The following RAD54L variants were observed in gnomAD, a reference collection of about 807,000 sequenced individuals.
RAD54L encodes the protein DNA repair and recombination protein RAD54-like.
Under a neutral mutation model 91.6 loss-of-function variants are expected in RAD54L, and 74 were observed. That is an observed-to-expected ratio of 0.81 (90% confidence interval 0.67 to 0.98). The LOEUF (loss-of-function observed/expected upper bound fraction) is 0.98. Ranked by LOEUF, RAD54L falls within the 50% of genes least tolerant of loss-of-function variation. RAD54L has a pLI of 0.00. For missense variants in RAD54L, 887 were observed against 945.7 expected (o/e 0.94, Z 0.81); for synonymous variants, 304 against 349.7 (o/e 0.87, Z 1.46).
At chr1:46,252,342 A>G (rs558419607) in intron 3 of RAD54L, among the ~76,000 whole-genome samples, 71 of 152,210 alleles carry the variant, frequency 4.7e-4, no homozygotes, top group Non-Finnish European at 8.8e-5. Flanking sequence ...AAGTGGGGGT[A>G]GGAGGTAACA....
intron 3 of RAD54L, among the ~76,000 whole-genome samples, chr1:46,253,912 A>G (rs1380881976): frequency 6.6e-6 from 1 of 151,966 alleles, no homozygotes; most frequent in Non-Finnish European, 1.5e-5. Context: ...AAAAAAATAC[A>G]TAGTAATCCA....
At chr1:46,277,647 C>A (rs1375600202) in intron 16 of RAD54L, 170 bp from the exon 17 acceptor site, 1 of 752,588 alleles carries the variant, frequency 1.3e-6, no homozygotes, top group Non-Finnish European at 2.2e-6. Flanking sequence ...AGGAGACAGA[C>A]TGGGAAAATG....
At chr1:46,272,586 C>A (rs779667339) in intron 11 of RAD54L, 46 bp downstream of exon 11, 1 of 1,609,206 alleles carries the variant, frequency 6.2e-7, no homozygotes, top group Non-Finnish European at 8.5e-7. Flanking sequence ...AAGCCTAGCT[C>A]CTGAAGCATG....
intron 5 of RAD54L, 141 bp from the exon 6 acceptor site, chr1:46,260,401 A>G: frequency 3.2e-6 from 3 of 951,094 alleles, no homozygotes; most frequent in South Asian, 1.3e-5. Flanking sequence ...GGAACTTGCT[A>G]TGGTTTTACG....
chr1:46,267,442 T>C lies in RAD54L; in HGVS notation c.892-17T>C. ...AGGGAATGCCACATTGCGCTCTGAA[T>C]AAGGATTCTCTTGCAGGGACACAGG... On this transcript the variant is annotated splice_polypyrimidine_tract_variant and intron_variant, in intron 8 of 17. Transcript: ENST00000371975. The C allele has an allele frequency of 6.2e-7, 1 of 1,613,672 alleles. No homozygotes were observed. Among genetic ancestry groups the C allele is most frequent in the Non-Finnish European group, 8.5e-7 (1 of 1,180,010 alleles).
chr1:46,272,025 C>CTT (rs1162693010), intron 10 of RAD54L, among the ~76,000 whole-genome samples: 1,801 of 41,076 alleles, frequency 0.044, 566 homozygotes, highest in Middle Eastern at 0.077. Flanking sequence ...GGTCTGATGA[C>CTT]TTTTTTTTTT....
chr1:46,272,751 ATGAGTG>A lies in RAD54L; in HGVS notation c.1327_1332del (p.Val444_Ser445del), dbSNP rs1426257904. ...GGCAGAAGAATTGCTTGAGGGCAAG[ATGAGTG>A]TGTCTTCCCTTTCTTCCATCACCTC... On this transcript the variant is annotated inframe_deletion, in exon 12 of 18. Transcript: ENST00000371975. 2 of 1,614,182 alleles carry A rather than the reference ATGAGTG, an allele frequency of 1.2e-6. No individual in the cohort carries two copies. The highest frequency in any genetic ancestry group is 2.2e-5 in the East Asian group (1 of 44,882).
intron 4 of RAD54L, 43 bp downstream of exon 4, chr1:46,258,789 C>G (rs754262014): frequency 7.1e-7 from 1 of 1,409,802 alleles, no homozygotes; most frequent in Non-Finnish European, 1.0e-6. Context: ...GTCATATGTA[C>G]GTGTGCCTGA....
chr1:46,270,629 T>A, intron 9 of RAD54L, 30 bp from the exon 10 acceptor site: 1 of 1,612,264 alleles, frequency 6.2e-7, no homozygotes, highest in Non-Finnish European at 8.5e-7. Flanking sequence ...TTTTCCACAT[T>A]CTTCTGTTTT....
In RAD54L at chr1:46,277,830, AG is replaced by A; in HGVS notation, c.1885del (p.Glu629ArgfsTer13). 1 of 1,609,426 alleles carries A rather than the reference AG, an allele frequency of 6.2e-7. No individual in the cohort carries two copies. ...IYRLLSAGTI[E>X]EKIFQRQSHK... ...CCTCTTCCCCAGGCAGGGACCATTG[AG>A]GAGAAGATCTTCCAGCGTCAGAGCC... On this transcript the variant is annotated frameshift_variant, in exon 17 of 18. Coordinates refer to ENST00000371975, the MANE Select transcript of RAD54L (RefSeq NM_003579.4). LOFTEE classifies it high-confidence loss of function.
chr1:46,260,760 C>G lies in RAD54L; in HGVS notation c.511C>G (p.Arg171Gly), dbSNP rs772563812. The change falls in exon 7 of 18, where the codon CGG becomes GGG. Residue 171 changes from arginine (R) to glycine (G), a missense_variant. Transcript: ENST00000371975. ...VKFLWECVTS[R>G]RIPGSHGCIM... is the part of the protein sequence containing the mutation. The stretch of plus-strand genomic sequence containing the variant: ...ATTCCTGTGGGAGTGTGTCACCAGT[C>G]GGCGCATCCCTGGCAGCCATGGCTG... 1 of 1,614,152 alleles carries G rather than the reference C, an allele frequency of 6.2e-7. No individual in the cohort carries two copies. The highest frequency in any genetic ancestry group is 8.5e-7 in the Non-Finnish European group (1 of 1,180,034).
chr1:46,273,845 A>G (rs1010801081), intron 14 of RAD54L, 98 bp downstream of exon 14: 52 of 1,500,960 alleles, frequency 3.5e-5, no homozygotes, highest in Non-Finnish European at 4.5e-5. Context: ...ATCTGGGCAC[A>G]TAAGGGCTTT....
Position 46,278,309 on chromosome 1 carries a change from T to C in RAD54L, c.*27T>C, listed in dbSNP as rs1453482088. ...AACCAGCTGGTCTGGGTGTAGCTCT[T>C]AGAGGAAGGAGATAGGGAAAAGGGG... On this transcript the variant is annotated 3_prime_UTR_variant, in exon 18 of 18. Transcript: ENST00000371975. The C allele has an allele frequency of 6.3e-7, 1 of 1,590,104 alleles. No homozygotes were observed.
At chr1:46,277,008 GC>G (rs1660625763) in intron 16 of RAD54L, among the ~76,000 whole-genome samples, 1 of 152,114 alleles carries the variant, frequency 6.6e-6, no homozygotes, top group Non-Finnish European at 1.5e-5. Context: ...TGTTGGTCAG[GC>G]TGGTCTCGAA....
rs868628220 is a variant in RAD54L at position 46,276,114 on chromosome 1, C to T, written c.1869+1397C>T. On this transcript the variant is annotated intron_variant, in intron 16 of 17. Transcript: ENST00000371975. ...TATTTCTACCACTTAATCTACATTT[C>T]CACTTAGATTTCTAATGAGCACTTT... Among the ~76,000 whole-genome samples, 60 of 152,300 alleles carry T rather than the reference C, an allele frequency of 3.9e-4. No homozygotes were observed. The Middle Eastern group carries it at 0.017, about 43-fold the overall frequency.
intron 16 of RAD54L, among the ~76,000 whole-genome samples, chr1:46,275,458 A>T (rs1274844005): frequency 6.6e-6 from 1 of 150,590 alleles, no homozygotes; most frequent in Admixed American, 6.6e-5. Context: ...CCTCCCACTC[A>T]TCTGGCTTGA....
chr1:46,248,510 A>G lies in RAD54L; in HGVS notation c.4-2A>G, dbSNP rs1026986453. ...GGCACTGTTTCTGTTCTCCCTTTAC[A>G]GAGGAGGAGCTTGGCTCCCAGCCAG... On this transcript the variant is annotated splice_acceptor_variant, in intron 1 of 17. Transcript: ENST00000371975. LOFTEE classifies it high-confidence loss of function. 1.9e-6 allele frequency: 3 copies of G among 1,614,122 alleles called. No individual in the cohort carries two copies. The highest frequency in any genetic ancestry group is 3.3e-5 in the Admixed American group (2 of 60,028).
At chr1:46,267,765 C>T (rs1660308118) in intron 9 of RAD54L, 156 bp downstream of exon 9, 1 of 1,045,098 alleles carries the variant, frequency 9.6e-7, no homozygotes, top group African/African-American at 1.6e-5. Context: ...AGTAGCAAAG[C>T]CATTGGGAGG....
chr1:46,278,008 T>C (rs1036968507), intron 17 of RAD54L, 28 bp downstream of exon 17: 2 of 1,613,492 alleles, frequency 1.2e-6, no homozygotes, highest in Admixed American at 1.7e-5. Context: ...CCATTATCTC[T>C]AAGCTACCCA....
Sources: allele counts gnomAD v4.1 joint callset (sites outside exome capture counted in the v4.1 genomes callset), GRCh38; gene constraint gnomAD v4.1.1; transcripts MANE v1.5; gene names NCBI Gene and HGNC (gene_info 2026-07-23, HGNC 2026-07-21).